The following NEDD9 variants were observed in gnomAD, a reference collection of about 807,000 sequenced individuals.
The protein encoded by NEDD9 is enhancer of filamentation 1.
Under a neutral mutation model 76.6 loss-of-function variants are expected in NEDD9, and 26 were observed. The observed-to-expected ratio is 0.34, with a 90% CI of 0.25 to 0.47. NEDD9 has a LOEUF of 0.47. Among genes scored for constraint, NEDD9 ranks in the 20% least tolerant of loss-of-function variants. The pLI, the probability that NEDD9 is intolerant of heterozygous loss-of-function variation, is 1.00. For synonymous variants in NEDD9, 392 were observed against 414.2 expected (o/e 0.95, Z 0.65); for missense variants, 937 against 1,058.5 (o/e 0.89, Z 1.59).
At position 11,276,942 on chromosome 6, in the gene NEDD9, G is replaced by GAAACAAACAAACAAAC. The variant is rs148488654; in HGVS notation, c.12+29034_12+29049dup. 1.1e-3 allele frequency among the ~76,000 whole-genome samples: 164 copies of GAAACAAACAAACAAAC among 150,228 alleles called. 1 individual carries two copies. Among genetic ancestry groups the GAAACAAACAAACAAAC allele is most frequent in the South Asian group, 4.6e-3 (22 of 4,812 alleles). ...AATAGCTCTTTGGTTACAGGATCTGGAAACAAACAAACAAACAAACAAACA... is the reference window on the plus strand; with the variant it reads ...AATAGCTCTTTGGTTACAGGATCTGGAAACAAACAAACAAACAAACAAACAAACAAACAAACAAACA... On this transcript the variant is annotated intron_variant, in intron 3 of 3. Coordinates refer to the NEDD9 transcript ENST00000397378.
chr6:11,302,416 C>G (rs1224497983), intron 3 of NEDD9, among the ~76,000 whole-genome samples: 3 of 152,196 alleles, frequency 2.0e-5, no homozygotes, highest in Non-Finnish European at 4.4e-5. Flanking sequence ...GACAGATTCA[C>G]AGCTGAATTC....
intron 1 of NEDD9, among the ~76,000 whole-genome samples, chr6:11,355,922 C>T (rs138768740): frequency 0.012 from 1,791 of 152,124 alleles, 33 homozygotes; most frequent in East Asian, 0.096. Flanking sequence ...GGGGTTTCAC[C>T]GTGTTAGCCA....
At chr6:11,234,212 G>A (rs1759554551), upstream of NEDD9, among the ~76,000 whole-genome samples, 1 of 152,132 alleles carries the variant, frequency 6.6e-6, no homozygotes, top group East Asian at 1.9e-4. Flanking sequence ...CACAAATTAA[G>A]CACGCAGCAT....
upstream of NEDD9, chr6:11,232,708 T>G: frequency 1.4e-6 from 2 of 1,436,894 alleles, no homozygotes; most frequent in Non-Finnish European, 1.8e-6. Flanking sequence ...ATCGCGGACC[T>G]CATTTGCATG....
At chr6:11,318,149 G>A (rs1761631327) in intron 2 of NEDD9, among the ~76,000 whole-genome samples, 1 of 152,130 alleles carries the variant, frequency 6.6e-6, no homozygotes, top group Non-Finnish European at 1.5e-5. Flanking sequence ...AGCCTCAGAC[G>A]CAGACAGGAA....
chr6:11,294,191 C>A (rs1490695781), intron 3 of NEDD9, among the ~76,000 whole-genome samples: 2 of 151,944 alleles, frequency 1.3e-5, no homozygotes, highest in Admixed American at 1.3e-4. Context: ...GGATATATAC[C>A]CAGAAGTGGA....
chr6:11,301,415 A>G (rs897996846), intron 3 of NEDD9, among the ~76,000 whole-genome samples: 9 of 152,178 alleles, frequency 5.9e-5, no homozygotes, highest in Non-Finnish European at 1.3e-4. Flanking sequence ...CACAATAATA[A>G]TGGGAGACTT....
chr6:11,280,513 C>T (rs569103325), intron 3 of NEDD9, among the ~76,000 whole-genome samples: 2 of 152,324 alleles, frequency 1.3e-5, no homozygotes, highest in African/African-American at 2.4e-5. Flanking sequence ...TCCATTTGCT[C>T]CTCCGGTGCC....
intron 1 of NEDD9, among the ~76,000 whole-genome samples, chr6:11,216,194 T>C (rs1758948673): frequency 6.6e-6 from 1 of 152,188 alleles, no homozygotes; most frequent in South Asian, 2.1e-4. Flanking sequence ...CCATAGAGAT[T>C]AGGTTTCAGG....
intron 3 of NEDD9, chr6:11,305,237 T>C: frequency 1.2e-6 from 1 of 826,396 alleles, no homozygotes; most frequent in South Asian, 1.5e-5. Flanking sequence ...TGAGTTACTC[T>C]ATGTGCATTT....
At chr6:11,315,953 A>C (rs756081484) in intron 2 of NEDD9, among the ~76,000 whole-genome samples, 2 of 152,192 alleles carry the variant, frequency 1.3e-5, no homozygotes, top group Non-Finnish European at 2.9e-5. Flanking sequence ...TGAGGGTAAA[A>C]GGCAGGGTTA....
At chr6:11,232,354 T>C (rs1242141552) in intron 1 of NEDD9, 150 bp downstream of exon 1, 2 of 869,084 alleles carry the variant, frequency 2.3e-6, no homozygotes, top group East Asian at 5.3e-5. Context: ...CTTGCTTGTC[T>C]GCTTGCATGT....
chr6:11,236,274 AT>A (rs1359362389), upstream of NEDD9, among the ~76,000 whole-genome samples: 1 of 152,160 alleles, frequency 6.6e-6, no homozygotes, highest in Non-Finnish European at 1.5e-5. The surrounding 1 kb of genome is among the most constrained non-coding windows in gnomAD (Gnocchi z 5.5). Flanking sequence ...TCCGGTGGGC[AT>A]CCCCTCCTGT....
chr6:11,250,172 A>AGC (rs1340291482), intron 3 of NEDD9, among the ~76,000 whole-genome samples: 1 of 152,224 alleles, frequency 6.6e-6, no homozygotes, highest in East Asian at 1.9e-4. Context: ...AGGAGGAATG[A>AGC]GCCTCTGCTG....
At position 11,213,789 on chromosome 6, in the gene NEDD9, A is replaced by G; in HGVS notation, c.13-62T>C. ...TATTGGGTCGGTCCCTTTATCACCT[A>G]AGGCCCGTGCTCTTATGGAAAGGCA... On this transcript the variant is annotated intron_variant, in intron 1 of 6. Transcript: ENST00000379446. The surrounding 1 kb of genome is among the most constrained non-coding windows in gnomAD (Gnocchi z 5.4). 6.8e-7 allele frequency: 1 copy of G among 1,471,894 alleles called. No individual in the cohort carries two copies. Among genetic ancestry groups the G allele is most frequent in the Non-Finnish European group, 9.4e-7 (1 of 1,067,228 alleles). The allele number at this position is 1,471,894 out of a possible 1,614,324, so 91.2% of individuals were successfully genotyped here. A position where few individuals can be genotyped will look rare whatever the true frequency, so the allele number is the denominator to read the frequency against.
chr6:11,209,554 A>G (rs1758711598), intron 2 of NEDD9, among the ~76,000 whole-genome samples: 1 of 152,250 alleles, frequency 6.6e-6, no homozygotes, highest in African/African-American at 2.4e-5. Flanking sequence ...AAGGAAACGC[A>G]AGGTGAGAGG....
At chr6:11,344,940 C>A (rs577497793) in intron 1 of NEDD9, among the ~76,000 whole-genome samples, 1 of 152,174 alleles carries the variant, frequency 6.6e-6, no homozygotes, top group African/African-American at 2.4e-5. Flanking sequence ...ATTTCAAGCC[C>A]TTCTGCTGGT....
At chr6:11,192,932 CAAAAAAAAAAAAAA>C (rs71550759) in intron 3 of NEDD9, among the ~76,000 whole-genome samples, 4 of 28,152 alleles carry the variant, frequency 1.4e-4, no homozygotes, top group Non-Finnish European at 2.4e-4. Flanking sequence ...GACTCTGTCT[CAAAAAAAAAAAAAA>C]AAAAAAAAAA....
At chr6:11,226,255 GT>G (rs369460319) in intron 1 of NEDD9, among the ~76,000 whole-genome samples, 3 of 151,388 alleles carry the variant, frequency 2.0e-5, no homozygotes, top group Non-Finnish European at 3.0e-5. Flanking sequence ...TATAAACAGG[GT>G]TTTTTTTTGT....
Sources: gnomAD v4.1 joint callset for allele counts (sites outside exome capture counted in the v4.1 genomes callset) on GRCh38, gnomAD v4.1.1 for gene constraint, Gnocchi (gnomAD v3.1) non-coding constraint, MANE v1.5 for transcripts, NCBI Gene and HGNC (gene_info 2026-07-23, HGNC 2026-07-21) for gene names.